The following CCSER1 variants were observed in gnomAD, a reference collection of about 807,000 sequenced individuals.
CCSER1 encodes the protein serine-rich coiled-coil domain-containing protein 1.
Under a neutral mutation model 82.0 loss-of-function variants are expected in CCSER1, and 41 were observed. The observed-to-expected ratio is 0.50, with a 90% CI of 0.39 to 0.65. The LOEUF (loss-of-function observed/expected upper bound fraction) is 0.65. Ranked by LOEUF, CCSER1 falls within the 30% of genes least tolerant of loss-of-function variation. The probability of loss-of-function intolerance (pLI) is 0.00; values close to 1 mark genes in which losing one functional copy is unlikely to be tolerated. For missense variants in CCSER1, 1,119 were observed against 1,064.2 expected, an observed-to-expected ratio of 1.05 and a Z score of -0.72; for synonymous variants, 414 against 383.9, an observed-to-expected ratio of 1.08 and a Z score of -0.92.
chr4:90,794,052 C>A (rs1286459406), intron 7 of CCSER1, among the ~76,000 whole-genome samples: 2 of 152,170 alleles, frequency 1.3e-5, no homozygotes, highest in Admixed American at 6.6e-5. Context: ...CTTACAGATG[C>A]TGGGTATTAG....
chr4:90,586,243 A>G (rs899251146), intron 5 of CCSER1, among the ~76,000 whole-genome samples: 1 of 152,144 alleles, frequency 6.6e-6, no homozygotes, highest in African/African-American at 2.4e-5. Context: ...GTGAGACTCC[A>G]TTATACCCCC....
intron 10 of CCSER1, among the ~76,000 whole-genome samples, chr4:91,306,167 T>G (rs1745061826): frequency 6.6e-6 from 1 of 152,004 alleles, no homozygotes; most frequent in South Asian, 2.1e-4. Context: ...ATGATTACTT[T>G]TTCTTTTCTT....
intron 10 of CCSER1, among the ~76,000 whole-genome samples, chr4:91,222,303 A>G (rs920381660): frequency 6.6e-6 from 1 of 151,928 alleles, no homozygotes; most frequent in Non-Finnish European, 1.5e-5. Flanking sequence ...TCCAACAGCC[A>G]TAATCGCCAC....
At chr4:91,355,634 G>A (rs1302633683) in intron 10 of CCSER1, among the ~76,000 whole-genome samples, 1 of 152,154 alleles carries the variant, frequency 6.6e-6, no homozygotes, top group East Asian at 1.9e-4. Context: ...TACTGAAAAA[G>A]TCCAAATTTT....
At chr4:90,228,636 G>T (rs1309323658) in intron 1 of CCSER1, among the ~76,000 whole-genome samples, 2 of 152,208 alleles carry the variant, frequency 1.3e-5, no homozygotes, top group African/African-American at 4.8e-5. Flanking sequence ...ACTTTGACGA[G>T]CTGAGAGAAG....
At chr4:91,471,282 G>T (rs1407741364) in intron 10 of CCSER1, among the ~76,000 whole-genome samples, 2 of 152,146 alleles carry the variant, frequency 1.3e-5, no homozygotes, top group Non-Finnish European at 2.9e-5. Context: ...GAAATTAGGA[G>T]AAAACACTAT....
At chr4:90,641,193 T>C (rs1162443836) in intron 6 of CCSER1, among the ~76,000 whole-genome samples, 3 of 152,136 alleles carry the variant, frequency 2.0e-5, no homozygotes, top group African/African-American at 7.2e-5. Context: ...ACAAAAAATA[T>C]TTTGAGTACA....
At chr4:91,398,057 AATT>A in intron 10 of CCSER1, among the ~76,000 whole-genome samples, 1 of 152,130 alleles carries the variant, frequency 6.6e-6, no homozygotes, top group South Asian at 2.1e-4. Context: ...AGCAATGAGT[AATT>A]ATTTTTTTTA....
intron 10 of CCSER1, among the ~76,000 whole-genome samples, chr4:91,193,178 A>C (rs1735144403): frequency 6.6e-6 from 1 of 152,094 alleles, no homozygotes; most frequent in Admixed American, 6.6e-5. Context: ...GGTTATTTGA[A>C]TCTAAGTAAG....
intron 9 of CCSER1, among the ~76,000 whole-genome samples, chr4:91,042,720 A>C (rs1742076516): frequency 6.6e-6 from 1 of 152,166 alleles, no homozygotes; most frequent in African/African-American, 2.4e-5. Flanking sequence ...ACAACTTTTT[A>C]AAATTTTTAT....
intron 8 of CCSER1, among the ~76,000 whole-genome samples, chr4:90,869,303 A>G (rs758310458): frequency 3.3e-5 from 5 of 152,010 alleles, no homozygotes; most frequent in African/African-American, 7.2e-5. Flanking sequence ...AGTTTCCCCA[A>G]TGCATTCTTT....
chr4:90,753,639 C>A (rs1749061156), intron 7 of CCSER1, among the ~76,000 whole-genome samples: 1 of 152,084 alleles, frequency 6.6e-6, no homozygotes. Flanking sequence ...TGTTCCCACT[C>A]TTGTCTCCCC....
chr4:90,377,884 ATG>A (rs1215870485), intron 3 of CCSER1, among the ~76,000 whole-genome samples: 1 of 152,122 alleles, frequency 6.6e-6, no homozygotes, highest in African/African-American at 2.4e-5. Context: ...CATTTAAAAA[ATG>A]TGTTTTTATT....
chr4:90,504,103 G>T (rs777263538), intron 5 of CCSER1, among the ~76,000 whole-genome samples: 2 of 151,154 alleles, frequency 1.3e-5, no homozygotes, highest in African/African-American at 4.9e-5. Context: ...TTCTTAAATC[G>T]ATATTTTAAG....
intron 7 of CCSER1, among the ~76,000 whole-genome samples, chr4:90,762,841 T>C (rs1228134253): frequency 6.6e-6 from 1 of 152,058 alleles, no homozygotes; most frequent in Non-Finnish European, 1.5e-5. Flanking sequence ...ATTAAATATC[T>C]TGAGATGGGG....
At chr4:90,300,105 C>T (rs116782280) in intron 1 of CCSER1, among the ~76,000 whole-genome samples, 4,805 of 152,126 alleles carry the variant, frequency 0.032, 201 homozygotes, top group African/African-American at 0.096. Context: ...CCAGATTTAA[C>T]TTATGCAGCA....
At chr4:91,490,923 T>TATATAA (rs1560712501) in intron 10 of CCSER1, among the ~76,000 whole-genome samples, 16 of 84,098 alleles carry the variant, frequency 1.9e-4, no homozygotes, top group African/African-American at 8.0e-4. Context: ...TATATATATA[T>TATATAA]ATATAAAATA....
intron 1 of CCSER1, among the ~76,000 whole-genome samples, chr4:90,258,262 C>T (rs1355910899): frequency 6.6e-6 from 1 of 152,118 alleles, no homozygotes; most frequent in African/African-American, 2.4e-5. Flanking sequence ...TGCCTGTAAT[C>T]CCAGCACTTT....
intron 10 of CCSER1, among the ~76,000 whole-genome samples, chr4:91,515,195 G>T (rs774648055): frequency 6.6e-6 from 1 of 151,988 alleles, no homozygotes; most frequent in Non-Finnish European, 1.5e-5. Context: ...GTTGGATTTT[G>T]CTTTTTTTTC....
Sources: allele counts gnomAD v4.1 joint callset (sites outside exome capture counted in the v4.1 genomes callset), GRCh38; gene constraint gnomAD v4.1.1; transcripts MANE v1.5; gene names NCBI Gene and HGNC (gene_info 2026-07-23, HGNC 2026-07-21).